RFTN1: variants seen among roughly 807,000 people sequenced by gnomAD.
RFTN1 encodes raftlin.
In RFTN1, 26 loss-of-function variants were observed where a neutral mutation model predicts 46.5. The ratio of observed to expected loss-of-function variants is 0.56; its 90% CI spans 0.41 to 0.78. The LOEUF (loss-of-function observed/expected upper bound fraction) is 0.78, where lower values mean the gene tolerates loss of function less well. Among genes scored for constraint, RFTN1 ranks in the 30% least tolerant of loss-of-function variants. The pLI, the probability that RFTN1 is intolerant of heterozygous loss-of-function variation, is 0.00. For synonymous variants in RFTN1, 261 were observed against 284.2 expected, an observed-to-expected ratio of 0.92 and a Z score of 0.82; for missense variants, 693 against 718.7, an observed-to-expected ratio of 0.96 and a Z score of 0.41.
chr3:16,382,451 A>T lies in RFTN1; in HGVS notation c.442-4349T>A, dbSNP rs577250384. 1.3e-4 allele frequency among the ~76,000 whole-genome samples: 20 copies of T among 152,248 alleles called. No individual in the cohort carries two copies. The highest frequency in any genetic ancestry group is 4.8e-4 in the African/African-American group (20 of 41,540). ...TTACTGAGCCAGTCTCACATTCATC[A>T]TGGTGGTGGGCATGCGATGTATTCA... On this transcript the variant is annotated intron_variant, in intron 4 of 9. Coordinates refer to ENST00000334133, the MANE Select transcript of RFTN1 (RefSeq NM_015150.2). This position sits in a 1 kb window ranked among gnomAD's most constrained non-coding sequence, Gnocchi z 4.7.
chr3:16,469,905 G>A lies in RFTN1; in HGVS notation c.145+23820C>T, dbSNP rs546476882. ...CCTGAAGGTTTATTCTGCCCCAGCCGCTCCAGATATGTTATCTCATTTCAC... is the reference window on the plus strand; with the variant it reads ...CCTGAAGGTTTATTCTGCCCCAGCCACTCCAGATATGTTATCTCATTTCAC... On this transcript the variant is annotated intron_variant, in intron 2 of 9. Transcript: ENST00000334133. Among the ~76,000 whole-genome samples the A allele has an allele frequency of 1.0e-3, 157 of 152,286 alleles. 1 individual carries two copies. Among genetic ancestry groups the A allele is most frequent in the Middle Eastern group, 3.4e-3 (1 of 294 alleles).
At position 16,465,792 on chromosome 3, in the gene RFTN1, C is replaced by T. The variant is rs780854643; in HGVS notation, c.145+27933G>A. Among the ~76,000 whole-genome samples the T allele has an allele frequency of 1.1e-4, 16 of 152,118 alleles. No homozygotes were observed. Among genetic ancestry groups the T allele is most frequent in the Non-Finnish European group, 2.1e-4 (14 of 68,010 alleles). On this transcript the variant is annotated intron_variant, in intron 2 of 9. Transcript: ENST00000334133. The surrounding 1 kb of genome is among the most constrained non-coding windows in gnomAD (Gnocchi z 5.1). ...TGTCCACATCTTGCCAACCCTGGAGCTCCATTTTCCCAGGGAGGACTTGAG... is the reference window on the plus strand; with the variant it reads ...TGTCCACATCTTGCCAACCCTGGAGTTCCATTTTCCCAGGGAGGACTTGAG...
chr3:16,399,789 C>A (rs1048170873), intron 4 of RFTN1, among the ~76,000 whole-genome samples: 17 of 152,188 alleles, frequency 1.1e-4, no homozygotes, highest in Admixed American at 1.0e-3. Context: ...CAGCAAAGGG[C>A]CCATTAATCC....
At chr3:16,444,875 C>T (rs921127576) in intron 2 of RFTN1, among the ~76,000 whole-genome samples, 2 of 152,184 alleles carry the variant, frequency 1.3e-5, no homozygotes, top group African/African-American at 4.8e-5. Context: ...GGTAAGTCAT[C>T]ATCTTATTTG....
chr3:16,455,399 A>AC (rs2075888986), intron 2 of RFTN1, among the ~76,000 whole-genome samples: 1 of 152,182 alleles, frequency 6.6e-6, no homozygotes, highest in Admixed American at 6.6e-5. Flanking sequence ...ATCCACTGGG[A>AC]AGAGACTCCA....
At position 16,422,904 on chromosome 3, in the gene RFTN1, C is replaced by T. The variant is rs1357015902; in HGVS notation, c.332+10947G>A. On this transcript the variant is annotated intron_variant, in intron 3 of 9. Transcript: ENST00000334133. The surrounding 1 kb of genome is among the most constrained non-coding windows in gnomAD (Gnocchi z 4.6). ...ACTCCTGGCTGGGTGCAGTGGCTCA[C>T]GCCTGTAATCCCAGCACTTTGGGAG... 1.3e-5 allele frequency among the ~76,000 whole-genome samples: 2 copies of T among 151,970 alleles called. No homozygotes were observed. Among genetic ancestry groups the T allele is most frequent in the African/African-American group, 4.8e-5 (2 of 41,360 alleles).
chr3:16,364,934 C>A (rs1405691624), intron 6 of RFTN1, among the ~76,000 whole-genome samples: 1 of 152,202 alleles, frequency 6.6e-6, no homozygotes, highest in Admixed American at 6.5e-5. Context: ...ACGTCTTGAT[C>A]TCTGTGCTGG....
rs551352026 is a variant in RFTN1 at position 16,459,294 on chromosome 3, A to G, written c.146-25257T>C. On this transcript the variant is annotated intron_variant, in intron 2 of 9. Coordinates refer to ENST00000334133, the MANE Select transcript of RFTN1 (RefSeq NM_015150.2). This position sits in a 1 kb window ranked among gnomAD's most constrained non-coding sequence, Gnocchi z 4.2. Reference sequence around the variant, plus strand: ...CCAGAAAGGACTAAGTAATATCCACAATGTGTAACAGACACCTAAACTCTT... The same window carrying G: ...CCAGAAAGGACTAAGTAATATCCACGATGTGTAACAGACACCTAAACTCTT... 6.6e-6 allele frequency among the ~76,000 whole-genome samples: 1 copy of G among 152,308 alleles called. No individual in the cohort carries two copies. The highest frequency in any genetic ancestry group is 1.9e-4 in the East Asian group (1 of 5,182).
rs146778752 is a variant in RFTN1, at chr3:16,442,524, T to C, written c.146-8487A>G. On this transcript the variant is annotated intron_variant, in intron 2 of 9. Coordinates refer to ENST00000334133, the MANE Select transcript of RFTN1 (RefSeq NM_015150.2). This position sits in a 1 kb window ranked among gnomAD's most constrained non-coding sequence, Gnocchi z 4.1. ...TGTATATATACTTAGTTCAAATGAT[T>C]ACTACAGTCAAGAAAACCAACATAA... Among the ~76,000 whole-genome samples the C allele has an allele frequency of 7.0e-4, 107 of 152,344 alleles. No individual in the cohort carries two copies. The highest frequency in any genetic ancestry group is 2.5e-3 in the African/African-American group (102 of 41,572).
intron 8 of RFTN1, among the ~76,000 whole-genome samples, chr3:16,324,687 T>TGTGTGTGTG (rs2069514323): frequency 8.5e-6 from 1 of 118,324 alleles, no homozygotes; most frequent in Non-Finnish European, 1.8e-5. Flanking sequence ...TGTGTGTGTA[T>TGTGTGTGTG]TTTATATATA....
rs984125556 is a variant in RFTN1, at chr3:16,342,502, T to C, written c.1146+15430A>G. 2.6e-5 allele frequency among the ~76,000 whole-genome samples: 4 copies of C among 152,258 alleles called. No individual in the cohort carries two copies. Among genetic ancestry groups the C allele is most frequent in the African/African-American group, 7.2e-5 (3 of 41,460 alleles). The stretch of plus-strand genomic sequence containing the variant: ...AAGCTGCCATCAACATTAATGTACA[T>C]AGGTCTTTATGTGGACATATGTTTT... On this transcript the variant is annotated intron_variant, in intron 7 of 9. Transcript: ENST00000334133. This position sits in a 1 kb window ranked among gnomAD's most constrained non-coding sequence, Gnocchi z 4.0.
chr3:16,490,268 C>T (rs2076518768), intron 2 of RFTN1, among the ~76,000 whole-genome samples: 1 of 152,122 alleles, frequency 6.6e-6, no homozygotes, highest in African/African-American at 2.4e-5. Flanking sequence ...CAGGCGTGCA[C>T]AAGAGACTAA....
At chr3:16,435,924 A>ATC in intron 2 of RFTN1, among the ~76,000 whole-genome samples, 2 of 124,368 alleles carry the variant, frequency 1.6e-5, no homozygotes, top group African/African-American at 5.4e-5. Context: ...GTAAATATAT[A>ATC]TATATATATA....
Position 16,357,922 on chromosome 3 carries a change from C to T in RFTN1, c.1146+10G>A. 1 of 1,564,184 alleles carries T rather than the reference C, an allele frequency of 6.4e-7. No homozygotes were observed. Among genetic ancestry groups the T allele is most frequent in the Non-Finnish European group, 8.8e-7 (1 of 1,135,504 alleles). On this transcript the variant is annotated intron_variant, in intron 7 of 9. Coordinates refer to ENST00000334133, the MANE Select transcript of RFTN1 (RefSeq NM_015150.2). ...AACAAAAGAAGCGGGGCTGCCAACC[C>T]CACACTTACTTCCAGGACTGTCCAT... is the stretch of plus-strand genomic sequence containing the variant.
intron 2 of RFTN1, among the ~76,000 whole-genome samples, chr3:16,485,052 T>C (rs539702782): frequency 7.2e-5 from 11 of 152,372 alleles, no homozygotes; most frequent in African/African-American, 2.6e-4. Flanking sequence ...TGGAAAACAG[T>C]TGAGCAGTAT....
chr3:16,401,555 G>A (rs1341213958), intron 4 of RFTN1, among the ~76,000 whole-genome samples: 2 of 152,130 alleles, frequency 1.3e-5, no homozygotes, highest in East Asian at 3.8e-4. Flanking sequence ...TCTTCTCAAA[G>A]CATGCTCTTC....
At chr3:16,362,138 A>G (rs933736600) in intron 6 of RFTN1, among the ~76,000 whole-genome samples, 7 of 152,228 alleles carry the variant, frequency 4.6e-5, no homozygotes, top group Admixed American at 1.3e-4. Flanking sequence ...TCAACAAACC[A>G]TGGCTGTAAG....
chr3:16,417,516 A>G (rs1447553663), intron 3 of RFTN1, among the ~76,000 whole-genome samples: 2 of 152,210 alleles, frequency 1.3e-5, no homozygotes, highest in African/African-American at 4.8e-5. Context: ...AGAACATGAT[A>G]AAAGACCCCT....
In RFTN1 at chr3:16,489,114, G is replaced by A. The variant is rs1191737220; in HGVS notation, c.145+4611C>T. 2.0e-5 allele frequency among the ~76,000 whole-genome samples: 3 copies of A among 152,128 alleles called. No homozygotes were observed. Among genetic ancestry groups the A allele is most frequent in the Admixed American group, 2.0e-4 (3 of 15,262 alleles). On this transcript the variant is annotated intron_variant, in intron 2 of 9. Transcript: ENST00000334133. The surrounding 1 kb of genome is among the most constrained non-coding windows in gnomAD (Gnocchi z 4.0). ...TTTGATTCCATTTATATAACATCCT[G>A]GGAAATAAAATCAGTGATGGAGGCC...
Sources: gnomAD v4.1 joint callset for allele counts (sites outside exome capture counted in the v4.1 genomes callset) on GRCh38, gnomAD v4.1.1 for gene constraint, Gnocchi (gnomAD v3.1) non-coding constraint, MANE v1.5 for transcripts, NCBI Gene and HGNC (gene_info 2026-07-23, HGNC 2026-07-21) for gene names.